The following DMD variants were observed in gnomAD, a reference collection of about 807,000 sequenced individuals.
DMD encodes the protein mutant dystrophin.
Under a neutral mutation model 330.1 loss-of-function variants are expected in DMD, and 63 were observed. That is an observed-to-expected ratio of 0.19 (90% CI 0.16 to 0.24). The LOEUF (loss-of-function observed/expected upper bound fraction) is 0.24, where lower values mean the gene tolerates loss of function less well. DMD is among the 10% of genes least tolerant of loss of function. The pLI is 1.00. For missense variants in DMD, 3,344 were observed against 2,684.1 expected (o/e 1.25, Z -5.43); for synonymous variants, 1,223 against 959.8 (o/e 1.27, Z -5.07).
intron 1 of DMD, among the ~76,000 whole-genome samples, chrX:33,265,424 T>C (rs2148908034): frequency 9.0e-6 from 1 of 111,578 alleles, no homozygotes; most frequent in South Asian, 3.7e-4. Context: ...TATTGTTCCA[T>C]AGGCCCCTTG....
intron 7 of DMD, among the ~76,000 whole-genome samples, chrX:32,756,602 G>A (rs2071537946): frequency 9.1e-6 from 1 of 110,381 alleles, no homozygotes; most frequent in Non-Finnish European, 1.9e-5. Flanking sequence ...TCTCCTTGTG[G>A]ATCAATTTGG....
At chrX:32,557,589 A>T (rs1052437768) in intron 16 of DMD, among the ~76,000 whole-genome samples, 5 of 111,951 alleles carry the variant, frequency 4.5e-5, no homozygotes, top group African/African-American at 1.6e-4. Flanking sequence ...GCAGTTTAAA[A>T]CATACTGCAT....
chrX:31,624,449 T>C (rs969321661), intron 55 of DMD, among the ~76,000 whole-genome samples: 1 of 112,339 alleles, frequency 8.9e-6, no homozygotes, highest in Non-Finnish European at 1.9e-5. Flanking sequence ...ATTATGATTA[T>C]TGCTGAGAGA....
chrX:32,441,049 C>T, intron 28 of DMD, 131 bp downstream of exon 28: 1 of 715,635 alleles, frequency 1.4e-6, no homozygotes, highest in Non-Finnish European at 2.1e-6. Context: ...ATCCAAAGTA[C>T]CAGTGCTGAG....
At chrX:31,821,009 G>C (rs1399627235) in intron 49 of DMD, among the ~76,000 whole-genome samples, 3 of 112,807 alleles carry the variant, frequency 2.7e-5, no homozygotes, top group African/African-American at 9.6e-5. Context: ...TGGGCAGCTA[G>C]CTATACGATA....
chrX:33,039,873 C>T (rs974438015), intron 1 of DMD, among the ~76,000 whole-genome samples: 5 of 110,443 alleles, frequency 4.5e-5, no homozygotes, highest in African/African-American at 1.7e-4. Context: ...TCTATAAAAA[C>T]GTATTATTTT....
At chrX:33,269,582 C>T (rs981139414) in intron 1 of DMD, among the ~76,000 whole-genome samples, 1 of 111,254 alleles carries the variant, frequency 9.0e-6, no homozygotes, top group Admixed American at 9.6e-5. Flanking sequence ...TAAAAGTGTC[C>T]TACTTTAAAG....
intron 50 of DMD, among the ~76,000 whole-genome samples, chrX:31,783,678 T>C (rs1187103862): frequency 3.6e-5 from 4 of 110,778 alleles, no homozygotes; most frequent in African/African-American, 6.6e-5. Context: ...AATATATATA[T>C]GCATATGTAT....
chrX:33,240,764 G>C (rs141919676), intron 1 of DMD, among the ~76,000 whole-genome samples: 1,641 of 111,904 alleles, frequency 0.015, 36 homozygotes, highest in African/African-American at 0.051. Flanking sequence ...TAACAGGTTT[G>C]AGTTGATATC....
intron 55 of DMD, among the ~76,000 whole-genome samples, chrX:31,557,462 T>C (rs2074913797): frequency 8.9e-6 from 1 of 111,985 alleles, no homozygotes; most frequent in Admixed American, 9.4e-5. Context: ...GTATACAGAC[T>C]TATGCACAAC....
At chrX:32,548,232 C>CA (rs1421144452) in intron 16 of DMD, among the ~76,000 whole-genome samples, 1 of 111,135 alleles carries the variant, frequency 9.0e-6, no homozygotes. Flanking sequence ...AACCTTACGG[C>CA]AAAATAGGGA....
At chrX:31,818,488 T>C (rs1361502587) in intron 50 of DMD, among the ~76,000 whole-genome samples, 1 of 111,308 alleles carries the variant, frequency 9.0e-6, no homozygotes, top group Non-Finnish European at 1.9e-5. Context: ...ACGTGGCTTA[T>C]ATGGGACATA....
intron 55 of DMD, among the ~76,000 whole-genome samples, chrX:31,616,724 T>C (rs914456922): frequency 8.9e-6 from 1 of 111,890 alleles, no homozygotes; most frequent in Non-Finnish European, 1.9e-5. Flanking sequence ...TAAATGGAAA[T>C]CTGCAAGTTG....
At chrX:32,670,932 T>A (rs2061594802) in intron 9 of DMD, among the ~76,000 whole-genome samples, 1 of 110,107 alleles carries the variant, frequency 9.1e-6, no homozygotes, top group Non-Finnish European at 1.9e-5. Context: ...AGTGAGGATG[T>A]GTGTGTGTGT....
At chrX:32,816,308 T>G (rs372376703) in intron 6 of DMD, among the ~76,000 whole-genome samples, 160 bp downstream of exon 6, 1 of 112,248 alleles carries the variant, frequency 8.9e-6, no homozygotes, top group South Asian at 3.7e-4. Context: ...GAAAATATTC[T>G]TAATTAGTTC....
intron 13 of DMD, among the ~76,000 whole-genome samples, chrX:32,580,826 C>T (rs1267978738): frequency 2.7e-5 from 3 of 111,341 alleles, no homozygotes; most frequent in East Asian, 5.6e-4. Flanking sequence ...CAATAGGTAT[C>T]CTTTTTTTCT....
intron 60 of DMD, among the ~76,000 whole-genome samples, chrX:31,399,425 T>A (rs1347306737): frequency 1.5e-5 from 1 of 65,592 alleles, no homozygotes; most frequent in African/African-American, 6.3e-5. Flanking sequence ...GGGGTTTTTA[T>A]AGGCACAGGT....
intron 7 of DMD, among the ~76,000 whole-genome samples, chrX:32,795,071 A>T (rs2076089236): frequency 8.9e-6 from 1 of 112,229 alleles, no homozygotes; most frequent in African/African-American, 3.2e-5. Context: ...TATTAACATG[A>T]TCTTTCTACT....
intron 1 of DMD, among the ~76,000 whole-genome samples, chrX:33,229,802 C>T (rs1002757193): frequency 9.8e-5 from 11 of 111,980 alleles, no homozygotes; most frequent in Non-Finnish European, 1.9e-4. Flanking sequence ...CTAAAAAGAC[C>T]TTGCTGGTAT....
Sources: gnomAD v4.1 joint callset for allele counts (sites outside exome capture counted in the v4.1 genomes callset) on GRCh38, gnomAD v4.1.1 for gene constraint, MANE v1.5 for transcripts, NCBI Gene and HGNC (gene_info 2026-07-23, HGNC 2026-07-21) for gene names.